The following RYR3 variants were observed in gnomAD, a reference collection of about 807,000 sequenced individuals.
RYR3 encodes the protein brain ryanodine receptor-calcium release channel.
A neutral mutation model predicts 584.3 loss-of-function variants in RYR3; 207 were observed. That is an observed-to-expected ratio of 0.35 (90% CI 0.32 to 0.40). The LOEUF is 0.40. Among genes scored for constraint, RYR3 ranks in the 10% least tolerant of loss-of-function variants. RYR3 has a pLI of 1.00. For synonymous variants in RYR3, 2,416 were observed against 2,248.5 expected (o/e 1.07, Z -2.11); for missense variants, 5,616 against 6,089.2 (o/e 0.92, Z 2.59).
At chr15:33,778,343 G>C (rs981792618) in intron 64 of RYR3, among the ~76,000 whole-genome samples, 2 of 152,080 alleles carry the variant, frequency 1.3e-5, no homozygotes, top group African/African-American at 4.8e-5. Context: ...ACTGAAGAGA[G>C]AAAACACCAT....
chr15:33,545,513 C>A (rs1025582), intron 8 of RYR3, among the ~76,000 whole-genome samples: 131,500 of 152,034 alleles, frequency 0.86, 57,500 homozygotes, highest in Middle Eastern at 0.98. Flanking sequence ...AATCATCAAA[C>A]AAAATAAGAA....
intron 1 of RYR3, among the ~76,000 whole-genome samples, chr15:33,379,574 A>C (rs2041001768): frequency 6.6e-6 from 1 of 151,896 alleles, no homozygotes; most frequent in Non-Finnish European, 1.5e-5. Flanking sequence ...GTCAAGAAGA[A>C]TGGAACTGAG....
At chr15:33,587,121 A>G (rs537193026) in intron 16 of RYR3, among the ~76,000 whole-genome samples, 8 of 152,320 alleles carry the variant, frequency 5.3e-5, no homozygotes, top group Admixed American at 3.9e-4. Context: ...GCAGAAAGCC[A>G]TGGTCCTTAG....
chr15:33,509,270 C>G (rs2052754181), intron 3 of RYR3, among the ~76,000 whole-genome samples: 1 of 152,172 alleles, frequency 6.6e-6, no homozygotes, highest in African/African-American at 2.4e-5. Flanking sequence ...ACATGTTGTG[C>G]AAACTCCTCT....
intron 1 of RYR3, among the ~76,000 whole-genome samples, chr15:33,399,694 T>C (rs2042523972): frequency 6.6e-6 from 1 of 152,154 alleles, no homozygotes; most frequent in Non-Finnish European, 1.5e-5. Flanking sequence ...ACAGCTGCTT[T>C]ACCTGTACCT....
intron 86 of RYR3, among the ~76,000 whole-genome samples, chr15:33,831,663 A>C (rs1245689742): frequency 2.6e-5 from 4 of 152,220 alleles, no homozygotes; most frequent in African/African-American, 7.2e-5. Flanking sequence ...GTCTTTCTCT[A>C]TTCATAGTAT....
Position 33,511,732 on chromosome 15 carries a change from G to A in RYR3, c.279+7994G>A, listed in dbSNP as rs117942790. On this transcript the variant is annotated intron_variant, in intron 3 of 103. Transcript: ENST00000634891. ...GCTCTCCAATTAGAATGACTTGCCTGTGGACTCATTTTTTATTTCTTCAAA... is the reference window on the plus strand; with the variant it reads ...GCTCTCCAATTAGAATGACTTGCCTATGGACTCATTTTTTATTTCTTCAAA... 7.5e-3 allele frequency among the ~76,000 whole-genome samples: 1,146 copies of A among 152,294 alleles called. 34 individuals carry two copies. In the South Asian group the frequency reaches 0.086, roughly 11 times the overall value.
chr15:33,852,826 C>T, intron 94 of RYR3: 1 of 473,098 alleles, frequency 2.1e-6, no homozygotes, highest in Non-Finnish European at 3.8e-6. Flanking sequence ...GCCCAGTGGC[C>T]TTCTGAGTGT....
At chr15:33,486,358 C>A (rs1372323988) in intron 2 of RYR3, among the ~76,000 whole-genome samples, 5 of 152,164 alleles carry the variant, frequency 3.3e-5, no homozygotes, top group Admixed American at 2.6e-4. Context: ...GGAAGCATAA[C>A]CCCAGTCTCT....
chr15:33,543,776 G>T (rs1223407099), intron 8 of RYR3, 61 bp downstream of exon 8: 1 of 1,074,794 alleles, frequency 9.3e-7, no homozygotes. Context: ...TCAAACTAAA[G>T]AGTTTACATT....
rs755148509 is a variant in RYR3 at position 33,670,552 on chromosome 15, C to T, written c.5856C>T (p.Cys1952=). The T allele has an allele frequency of 2.5e-6, 4 of 1,569,848 alleles. No homozygotes were observed. The South Asian group carries it at 4.8e-5, about 19-fold the overall frequency. ...KEQPTEEEER[C]PTTLKELISQ... is the part of the protein sequence containing the mutation. ...AGCCGACGGAGGAGGAGGAGAGATG[C>T]CCCAGTAAGTGACATTGCCTTTAAA... is the stretch of plus-strand genomic sequence containing the variant. Residue 1952 remains cysteine, a synonymous_variant, in exon 38 of 104, where the codon TGC becomes TGT. Transcript: ENST00000634891.
At chr15:33,840,070 C>T (rs536342519) in intron 89 of RYR3, among the ~76,000 whole-genome samples, 29 of 152,136 alleles carry the variant, frequency 1.9e-4, no homozygotes, top group Non-Finnish European at 4.1e-4. Flanking sequence ...ATTTGTGCTG[C>T]GTGTTAGAAC....
intron 38 of RYR3, among the ~76,000 whole-genome samples, chr15:33,692,718 G>A (rs896248237): frequency 3.3e-5 from 5 of 151,680 alleles, no homozygotes; most frequent in Non-Finnish European, 5.9e-5. Context: ...GACAAAGAAT[G>A]GAGTGGCAGG....
chr15:33,414,872 C>T (rs141892464), intron 1 of RYR3, among the ~76,000 whole-genome samples: 2 of 152,192 alleles, frequency 1.3e-5, no homozygotes, highest in East Asian at 1.9e-4. Context: ...GGATTACAGG[C>T]GTGAGCCACC....
At chr15:33,758,439 C>T (rs2072078472) in intron 60 of RYR3, among the ~76,000 whole-genome samples, 1 of 152,154 alleles carries the variant, frequency 6.6e-6, no homozygotes. Context: ...CGACCTGGGA[C>T]ACTCGGGCTT....
chr15:33,461,620 G>C (rs1277138162), intron 1 of RYR3, among the ~76,000 whole-genome samples: 8 of 152,170 alleles, frequency 5.3e-5, no homozygotes, highest in Admixed American at 4.6e-4. Flanking sequence ...AAACGTTCTG[G>C]TGAGAGGGGA....
chr15:33,842,180 T>G, intron 91 of RYR3, 145 bp downstream of exon 91: 1 of 911,776 alleles, frequency 1.1e-6, no homozygotes, highest in Non-Finnish European at 1.6e-6. Context: ...CCCATGTGTC[T>G]ACCTATTCCT....
At chr15:33,822,564 T>A (rs760324241) in intron 80 of RYR3, among the ~76,000 whole-genome samples, 1 of 152,260 alleles carries the variant, frequency 6.6e-6, no homozygotes, top group Admixed American at 6.5e-5. Flanking sequence ...AAACAAAATT[T>A]TTATTATGTC....
chr15:33,535,748 G>A (rs118118859), intron 5 of RYR3, among the ~76,000 whole-genome samples: 4,376 of 152,200 alleles, frequency 0.029, 72 homozygotes, highest in Non-Finnish European at 0.04. Context: ...AAAAATAAAG[G>A]GAAACAACAG....
Sources: gnomAD v4.1 joint callset for allele counts (sites outside exome capture counted in the v4.1 genomes callset) on GRCh38, gnomAD v4.1.1 for gene constraint, MANE v1.5 for transcripts, NCBI Gene and HGNC (gene_info 2026-07-23, HGNC 2026-07-21) for gene names.